SLC38A12: variants seen among roughly 807,000 people sequenced by gnomAD.
SLC38A12 encodes the protein putative sodium-coupled neutral amino acid transporter 12.
the SLC38A12 span, chr17:74,785,737 T>C: frequency 8.0e-7 from 1 of 1,257,622 alleles, no homozygotes; most frequent in Non-Finnish European, 1.1e-6. Flanking sequence ...CAGTGAGTCC[T>C]TGCCAGGGTA....
the SLC38A12 span, chr17:74,777,576 AG>A: frequency 6.6e-7 from 1 of 1,520,794 alleles, no homozygotes; most frequent in Non-Finnish European, 8.8e-7. Flanking sequence ...TCTCTTTTTA[AG>A]GTGTTTGTCA....
the SLC38A12 span, among the ~76,000 whole-genome samples, chr17:74,791,921 C>T: frequency 1.3e-5 from 2 of 152,076 alleles, no homozygotes; most frequent in African/African-American, 2.4e-5. Flanking sequence ...CCGAGGCAGG[C>T]GGCTCACGAG....
the SLC38A12 span, among the ~76,000 whole-genome samples, chr17:74,814,404 C>A: frequency 6.6e-6 from 1 of 152,120 alleles, no homozygotes; most frequent in Non-Finnish European, 1.5e-5. Context: ...AGTGGGGAGT[C>A]GGGCACCCCA....
the SLC38A12 span, chr17:74,777,209 C>T: frequency 8.7e-7 from 1 of 1,150,364 alleles, no homozygotes; most frequent in Non-Finnish European, 1.3e-6. Context: ...TGCAAGCCTC[C>T]TCCCACCCCT....
At chr17:74,781,742 C>T in the SLC38A12 span, among the ~76,000 whole-genome samples, 14 of 152,360 alleles carry the variant, frequency 9.2e-5, no homozygotes, top group South Asian at 4.1e-4. Flanking sequence ...TTAGGTTTTC[C>T]GCTGGGGTCT....
At chr17:74,834,306 G>A in the SLC38A12 span, among the ~76,000 whole-genome samples, 10 of 152,048 alleles carry the variant, frequency 6.6e-5, no homozygotes, top group African/African-American at 1.7e-4. Flanking sequence ...TTGTGATGTC[G>A]GGGGAGGAGG....
the SLC38A12 span, among the ~76,000 whole-genome samples, chr17:74,796,763 T>C: frequency 6.6e-6 from 1 of 152,208 alleles, no homozygotes; most frequent in African/African-American, 2.4e-5. Context: ...TGGTAGCGGG[T>C]TAATTGTCTG....
the SLC38A12 span, chr17:74,788,694 T>C: frequency 1.0e-6 from 1 of 998,322 alleles, no homozygotes; most frequent in South Asian, 1.5e-5. Flanking sequence ...TGGTCTGGGC[T>C]GGTGGGTCTG....
chr17:74,785,377 T>G, the SLC38A12 span: 1 of 1,506,550 alleles, frequency 6.6e-7, no homozygotes, highest in Non-Finnish European at 9.0e-7. Flanking sequence ...CAGTGTGGCC[T>G]TCTGGCCTCC....
At chr17:74,802,445 G>A in the SLC38A12 span, among the ~76,000 whole-genome samples, 2 of 152,160 alleles carry the variant, frequency 1.3e-5, no homozygotes, top group Admixed American at 6.5e-5. Context: ...AGCTGCTCAT[G>A]GGCCTCTGTC....
At chr17:74,838,894 C>T in the SLC38A12 span, 6 of 1,535,616 alleles carry the variant, frequency 3.9e-6, no homozygotes, top group Admixed American at 7.8e-5. Flanking sequence ...CAGATGGGCC[C>T]CCGGGGTCAG....
At chr17:74,786,473 G>A in the SLC38A12 span, among the ~76,000 whole-genome samples, 115 of 152,364 alleles carry the variant, frequency 7.5e-4, no homozygotes, top group African/African-American at 2.7e-3. Flanking sequence ...GTTGTGGGGA[G>A]AAGTGACAGC....
the SLC38A12 span, chr17:74,837,377 A>G: frequency 3.0e-6 from 3 of 985,510 alleles, no homozygotes; most frequent in Non-Finnish European, 3.6e-6. Context: ...TCCCTTCTAC[A>G]GGGACACAGC....
chr17:74,838,245 A>G, the SLC38A12 span: 2 of 985,552 alleles, frequency 2.0e-6, no homozygotes, highest in South Asian at 4.7e-5. Context: ...GTCACTTTCC[A>G]TCCACGGGAA....
the SLC38A12 span, among the ~76,000 whole-genome samples, chr17:74,786,392 C>T: frequency 6.6e-6 from 1 of 152,240 alleles, no homozygotes; most frequent in African/African-American, 2.4e-5. Flanking sequence ...CCCATCTGTG[C>T]ACCAAGCACC....
chr17:74,790,211 T>C, the SLC38A12 span: 1 of 1,613,980 alleles, frequency 6.2e-7, no homozygotes, highest in Non-Finnish European at 8.5e-7. Flanking sequence ...AGGAGGAAGA[T>C]GACGACTCCT....
At chr17:74,837,415 A>G in the SLC38A12 span, 3 of 985,426 alleles carry the variant, frequency 3.0e-6, no homozygotes, top group African/African-American at 5.2e-5. Context: ...TAAAGTCTGG[A>G]GCTTGTCTCT....
the SLC38A12 span, among the ~76,000 whole-genome samples, chr17:74,816,629 C>G: frequency 6.6e-6 from 1 of 152,228 alleles, no homozygotes. Flanking sequence ...ACTTTATTCC[C>G]CATGACCAGT....
chr17:74,810,418 A>G, the SLC38A12 span, among the ~76,000 whole-genome samples: 2 of 152,236 alleles, frequency 1.3e-5, no homozygotes, highest in Non-Finnish European at 2.9e-5. Context: ...ACAAAGGGCC[A>G]TGCTAACTTG....
Sources: gnomAD v4.1 joint callset for allele counts (sites outside exome capture counted in the v4.1 genomes callset) on GRCh38, gnomAD v4.1.1 for gene constraint, MANE v1.5 for transcripts, NCBI Gene and HGNC (gene_info 2026-07-23, HGNC 2026-07-21) for gene names.